BLK: variants seen among roughly 807,000 people sequenced by gnomAD.
The protein encoded by BLK is BLK proto-oncogene, Src family tyrosine kinase, also known as tyrosine-protein kinase Blk.
BLK carries 64 observed loss-of-function variants against 61.8 expected under a neutral mutation model. The ratio of observed to expected loss-of-function variants is 1.03; its 90% confidence interval spans 0.85 to 1.27. The LOEUF (loss-of-function observed/expected upper bound fraction) is 1.27. BLK is among the 50% of genes most tolerant of loss of function. The probability of loss-of-function intolerance (pLI) is 0.00; values close to 1 mark genes in which losing one functional copy is unlikely to be tolerated. For synonymous variants in BLK, 351 were observed against 272.0 expected (o/e 1.29, Z -2.86); for missense variants, 853 against 660.5 (o/e 1.29, Z -3.19).
Position 11,561,277 on chromosome 8 carries a change from C to A in BLK, c.1030-25C>A, listed in dbSNP as rs768486674. On this transcript the variant is annotated intron_variant, in intron 10 of 12. Transcript: ENST00000259089. ...TTGGCGTGGAGGCCCCCAGGCTGTC[C>A]TTCACCATGTGCCTGTTCCCTCAGA... is the stretch of plus-strand genomic sequence containing the variant. 2.8e-5 allele frequency: 45 copies of A among 1,609,324 alleles called. No individual in the cohort carries two copies. In the East Asian group the frequency reaches 9.9e-4, roughly 35 times the overall value.
chr8:11,516,750 A>G (rs1252687442), intron 1 of BLK, among the ~76,000 whole-genome samples: 1 of 152,232 alleles, frequency 6.6e-6, no homozygotes, highest in Non-Finnish European at 1.5e-5. Context: ...ATGTTGTAGC[A>G]TGTGCCAGAA....
chr8:11,513,898 CAG>C (rs550480816), intron 1 of BLK, among the ~76,000 whole-genome samples: 17 of 152,180 alleles, frequency 1.1e-4, no homozygotes, highest in Non-Finnish European at 2.1e-4. Context: ...CAGGTGGATT[CAG>C]AGTCTCCCAT....
At chr8:11,537,940 C>A (rs565500574) in intron 1 of BLK, among the ~76,000 whole-genome samples, 2 of 152,240 alleles carry the variant, frequency 1.3e-5, no homozygotes, top group African/African-American at 4.8e-5. Flanking sequence ...ATTAGAGGGC[C>A]TAGCTGGTTT....
At chr8:11,526,644 G>C (rs925644448) in intron 1 of BLK, among the ~76,000 whole-genome samples, 3 of 152,202 alleles carry the variant, frequency 2.0e-5, no homozygotes, top group African/African-American at 7.2e-5. Context: ...ACGTGAACCT[G>C]GGAGGTGGAG....
intron 6 of BLK, chr8:11,553,171 C>G (rs1209827341): frequency 5.4e-5 from 10 of 186,860 alleles, no homozygotes; most frequent in Non-Finnish European, 9.0e-5. Context: ...GCAGTGAATG[C>G]AAGACAGGGA....
At chr8:11,541,014 C>T (rs759100439) in intron 1 of BLK, among the ~76,000 whole-genome samples, 4 of 152,234 alleles carry the variant, frequency 2.6e-5, no homozygotes, top group Non-Finnish European at 5.9e-5. Flanking sequence ...ACCTGCAATC[C>T]CAGTACTTTG....
chr8:11,530,532 A>G (rs1799842321), intron 1 of BLK, among the ~76,000 whole-genome samples: 1 of 152,258 alleles, frequency 6.6e-6, no homozygotes, highest in Non-Finnish European at 1.5e-5. Context: ...TTCTTATTGA[A>G]CTTACTCAAG....
chr8:11,543,269 C>A lies in BLK; in HGVS notation c.45C>A (p.Ile15=), dbSNP rs1262531498. 1.9e-6 allele frequency: 3 copies of A among 1,613,982 alleles called. No homozygotes were observed. The highest frequency in any genetic ancestry group is 2.5e-6 in the Non-Finnish European group (3 of 1,180,022). The change falls in exon 2 of 13, where the codon ATC becomes ATA. Residue 15 remains isoleucine (I), a synonymous_variant. Coordinates refer to ENST00000259089, the MANE Select transcript of BLK (RefSeq NM_001715.3). ...SSKKPDKEKP[I]KEKDKGQWSP... Reference sequence around the variant, plus strand: ...AAAAGCCGGACAAGGAAAAGCCGATCAAAGAGAAGGACAAGGGCCAATGGA... The same window carrying A: ...AAAAGCCGGACAAGGAAAAGCCGATAAAAGAGAAGGACAAGGGCCAATGGA...
chr8:11,504,049 C>T (rs918688379), intron 1 of BLK, among the ~76,000 whole-genome samples: 5 of 152,142 alleles, frequency 3.3e-5, no homozygotes, highest in Non-Finnish European at 7.4e-5. Flanking sequence ...CACATCCAGG[C>T]ACAGTGGCAC....
intron 10 of BLK, chr8:11,558,515 G>C (rs1455724349): frequency 2.6e-6 from 1 of 391,838 alleles, no homozygotes; most frequent in Non-Finnish European, 5.1e-6. Context: ...TGATGGGCAG[G>C]CCTGAGCTAC....
At chr8:11,554,424 C>T (rs1585408608) in intron 6 of BLK, among the ~76,000 whole-genome samples, 1 of 152,106 alleles carries the variant, frequency 6.6e-6, no homozygotes. Flanking sequence ...AAAGGGTCCC[C>T]GAGTGACCAG....
At chr8:11,563,183 G>C (rs1801571344) in intron 12 of BLK, 73 bp downstream of exon 12, 1 of 1,603,144 alleles carries the variant, frequency 6.2e-7, no homozygotes, top group Non-Finnish European at 8.5e-7. Context: ...GCCTGTGCTT[G>C]GTGCCTGTGG....
chr8:11,564,331 A>AG lies in BLK; in HGVS notation c.*226dup. The AG allele has an allele frequency of 1.4e-6, 1 of 707,244 alleles. No individual in the cohort carries two copies. The highest frequency in any genetic ancestry group is 2.6e-6 in the Non-Finnish European group (1 of 390,940). The allele number at this position is 707,244 out of a possible 1,614,324, so 43.8% of individuals were successfully genotyped here. Reference sequence around the variant, plus strand: ...CCTCTCTGTGCCGCTTCATTTGTAGAGGGCTGTAACAGTGACCTCGCACGG... The same window carrying AG: ...CCTCTCTGTGCCGCTTCATTTGTAGAGGGGCTGTAACAGTGACCTCGCACGG... On this transcript the variant is annotated 3_prime_UTR_variant, in exon 13 of 13. Transcript: ENST00000259089.
chr8:11,544,723 C>T (rs1470192684), intron 2 of BLK, among the ~76,000 whole-genome samples: 4 of 152,192 alleles, frequency 2.6e-5, no homozygotes, highest in Non-Finnish European at 5.9e-5. Flanking sequence ...GACCCTTCTT[C>T]CGTGTGTTCA....
Position 11,562,962 on chromosome 8 carries a change from C to T in BLK, c.1181-17C>T, listed in dbSNP as rs751230008. On this transcript the variant is annotated splice_polypyrimidine_tract_variant and intron_variant, in intron 11 of 12. Transcript: ENST00000259089. ...ACCGGCCGTGGCCTCCCAAAGCTTGCATGGCTTTTCCCACAGGGGCCAAGT... is the reference window on the plus strand; with the variant it reads ...ACCGGCCGTGGCCTCCCAAAGCTTGTATGGCTTTTCCCACAGGGGCCAAGT... The T allele has an allele frequency of 1.9e-6, 3 of 1,613,828 alleles. No individual in the cohort carries two copies. Among genetic ancestry groups the T allele is most frequent in the Admixed American group, 3.3e-5 (2 of 60,014 alleles).
chr8:11,547,638 G>C (rs1379599859), intron 3 of BLK, among the ~76,000 whole-genome samples: 1 of 152,208 alleles, frequency 6.6e-6, no homozygotes, highest in Non-Finnish European at 1.5e-5. Context: ...AGGAGGAAAA[G>C]GATAAGAGGA....
intron 1 of BLK, among the ~76,000 whole-genome samples, chr8:11,528,153 C>G (rs563427287): frequency 6.6e-6 from 1 of 152,250 alleles, no homozygotes; most frequent in African/African-American, 2.4e-5. Flanking sequence ...CCTCCCACCT[C>G]AGCCTCCCAA....
intron 1 of BLK, among the ~76,000 whole-genome samples, chr8:11,517,759 G>A (rs1052893860): frequency 6.6e-6 from 1 of 152,174 alleles, no homozygotes; most frequent in Non-Finnish European, 1.5e-5. Flanking sequence ...ACGCACCTGA[G>A]GCAGCACCCA....
At chr8:11,507,633 TC>T (rs778016976) in intron 1 of BLK, among the ~76,000 whole-genome samples, 2 of 152,184 alleles carry the variant, frequency 1.3e-5, no homozygotes, top group Non-Finnish European at 2.9e-5. Flanking sequence ...AATCAGAAAG[TC>T]CCAATGGACC....
Sources: allele counts gnomAD v4.1 joint callset (sites outside exome capture counted in the v4.1 genomes callset), GRCh38; gene constraint gnomAD v4.1.1; transcripts MANE v1.5; gene names NCBI Gene and HGNC (gene_info 2026-07-23, HGNC 2026-07-21).